The following MVB12B variants were observed in gnomAD, a reference collection of about 807,000 sequenced individuals.
MVB12B encodes the protein ESCRT-I complex subunit MVB12B.
MVB12B carries 16 observed loss-of-function variants against 41.6 expected under a neutral mutation model. The observed-to-expected ratio is 0.38, with a 90% CI of 0.26 to 0.58. The LOEUF (loss-of-function observed/expected upper bound fraction) is 0.58, where lower values mean the gene tolerates loss of function less well. Ranked by LOEUF, MVB12B falls within the 20% of genes least tolerant of loss-of-function variation. MVB12B has a pLI of 0.62. For synonymous variants in MVB12B, 133 were observed against 139.7 expected, an observed-to-expected ratio of 0.95 and a Z score of 0.34; for missense variants, 274 against 380.2, an observed-to-expected ratio of 0.72 and a Z score of 2.32.
In MVB12B at chr9:126,468,490, T is replaced by C. The variant is rs892200580; in HGVS notation, c.758-12879T>C. Among the ~76,000 whole-genome samples the C allele has an allele frequency of 1.3e-5, 2 of 152,210 alleles. No individual in the cohort carries two copies. Among genetic ancestry groups the C allele is most frequent in the Non-Finnish European group, 2.9e-5 (2 of 68,038 alleles). ...CTGGCATTTCATTCTCCCAGCTCTT[T>C]AGGCCAGGATCCTGGGGTCACCCTT... On this transcript the variant is annotated intron_variant, in intron 7 of 9. Coordinates refer to ENST00000361171, the MANE Select transcript of MVB12B (RefSeq NM_033446.3). The surrounding 1 kb of genome is among the most constrained non-coding windows in gnomAD (Gnocchi z 4.3).
At chr9:126,490,557 A>G (rs1446093096) in intron 9 of MVB12B, among the ~76,000 whole-genome samples, 2 of 152,178 alleles carry the variant, frequency 1.3e-5, no homozygotes, top group Admixed American at 1.3e-4. Flanking sequence ...ACCGCGGCGG[A>G]GGAAGCACAC....
rs577248426 is a variant in MVB12B at position 126,427,771 on chromosome 9, C to T, written c.757+5823C>T. Among the ~76,000 whole-genome samples the T allele has an allele frequency of 3.3e-4, 50 of 152,292 alleles. 1 individual carries two copies. Among genetic ancestry groups the T allele is most frequent in the African/African-American group, 1.1e-3 (44 of 41,568 alleles). ...CCACACAGTGCAGTGAGCTGCGGGG[C>T]TAGGACTGCTTTCCTCTTTAGGACC... On this transcript the variant is annotated intron_variant, in intron 7 of 9. Transcript: ENST00000361171.
chr9:126,396,594 C>T, intron 6 of MVB12B: 1 of 985,492 alleles, frequency 1.0e-6, no homozygotes, highest in African/African-American at 1.7e-5. Context: ...GACATACCAC[C>T]AGCTCTCTGT....
chr9:126,337,921 A>C (rs550945526), intron 1 of MVB12B, among the ~76,000 whole-genome samples: 5 of 152,092 alleles, frequency 3.3e-5, no homozygotes, highest in East Asian at 3.9e-4. Flanking sequence ...GTGGAGCGCT[A>C]GTTAATAAAT....
At chr9:126,447,514 A>T (rs1433750254) in intron 7 of MVB12B, among the ~76,000 whole-genome samples, 2 of 152,062 alleles carry the variant, frequency 1.3e-5, no homozygotes, top group African/African-American at 4.8e-5. Flanking sequence ...CTTAATTTCT[A>T]CTTTTATTAT....
intron 6 of MVB12B, among the ~76,000 whole-genome samples, chr9:126,409,616 C>A (rs1029484159): frequency 6.6e-6 from 1 of 152,200 alleles, no homozygotes; most frequent in East Asian, 1.9e-4. Flanking sequence ...TTTCCTTTGC[C>A]ACCACGTGGC....
chr9:126,383,969 A>T (rs1169502454), intron 3 of MVB12B, among the ~76,000 whole-genome samples: 1 of 151,638 alleles, frequency 6.6e-6, no homozygotes. Context: ...TGTAAAACCC[A>T]ACTTGTCAAG....
At chr9:126,460,769 A>G (rs1833072244) in intron 7 of MVB12B, among the ~76,000 whole-genome samples, 1 of 152,146 alleles carries the variant, frequency 6.6e-6, no homozygotes, top group Non-Finnish European at 1.5e-5. Flanking sequence ...CCCTGGGTTC[A>G]ACCCTGGCTC....
intron 7 of MVB12B, among the ~76,000 whole-genome samples, chr9:126,442,274 G>T (rs1255637768): frequency 6.6e-6 from 1 of 152,192 alleles, no homozygotes; most frequent in African/African-American, 2.4e-5. Context: ...CCTCCCATCA[G>T]AAATGGTTCT....
chr9:126,370,949 C>G (rs900086106), intron 2 of MVB12B, among the ~76,000 whole-genome samples: 2 of 151,886 alleles, frequency 1.3e-5, no homozygotes, highest in Admixed American at 1.3e-4. Flanking sequence ...ACATTTTTTT[C>G]TAAAAGTTTG....
intron 9 of MVB12B, among the ~76,000 whole-genome samples, chr9:126,499,941 C>T (rs1301563522): frequency 6.6e-6 from 1 of 152,094 alleles, no homozygotes; most frequent in African/African-American, 2.4e-5. Flanking sequence ...CCTGTCCCCA[C>T]TCCTGGCCAC....
At chr9:126,501,146 C>T (rs1165519407) in intron 9 of MVB12B, among the ~76,000 whole-genome samples, 1 of 152,230 alleles carries the variant, frequency 6.6e-6, no homozygotes, top group African/African-American at 2.4e-5. Context: ...CGGCCTGTGC[C>T]TGGTGGTTGG....
At chr9:126,378,519 C>G (rs1444202736) in intron 2 of MVB12B, among the ~76,000 whole-genome samples, 1 of 152,126 alleles carries the variant, frequency 6.6e-6, no homozygotes, top group Non-Finnish European at 1.5e-5. Flanking sequence ...CCTGTGGGTC[C>G]CTGAACCATC....
chr9:126,353,221 G>GTCAT (rs916133707), intron 2 of MVB12B, among the ~76,000 whole-genome samples: 9 of 152,290 alleles, frequency 5.9e-5, no homozygotes, highest in South Asian at 2.1e-4. Flanking sequence ...GCTCACTTCT[G>GTCAT]TCATTCATTC....
At chr9:126,472,440 T>G (rs551755250) in intron 7 of MVB12B, among the ~76,000 whole-genome samples, 1 of 138,354 alleles carries the variant, frequency 7.2e-6, no homozygotes, top group East Asian at 2.1e-4. Context: ...TCCCCGAGAA[T>G]AGCAAAGACA....
intron 7 of MVB12B, chr9:126,481,166 C>T: frequency 1.7e-6 from 1 of 601,552 alleles, no homozygotes; most frequent in Non-Finnish European, 3.0e-6. Flanking sequence ...TGACGAGGCG[C>T]CTGCCTCTCT....
rs1453460921 is a variant in MVB12B at position 126,480,212 on chromosome 9, C to T, written c.758-1157C>T. On this transcript the variant is annotated intron_variant, in intron 7 of 9. Transcript: ENST00000361171. This position sits in a 1 kb window ranked among gnomAD's most constrained non-coding sequence, Gnocchi z 4.9. ...GGCCACCCCTGACTTCGGGGCTCCG[C>T]GTCCCTGCACTCATGACCAGGCCCC... Among the ~76,000 whole-genome samples the T allele has an allele frequency of 6.6e-6, 1 of 152,192 alleles. No homozygotes were observed. The highest frequency in any genetic ancestry group is 1.5e-5 in the Non-Finnish European group (1 of 68,038).
At chr9:126,499,556 C>T (rs1177305965) in intron 9 of MVB12B, among the ~76,000 whole-genome samples, 1 of 152,132 alleles carries the variant, frequency 6.6e-6, no homozygotes, top group South Asian at 2.1e-4. Flanking sequence ...CGCTGTTTGC[C>T]CAAGGGAGTG....
intron 6 of MVB12B, among the ~76,000 whole-genome samples, chr9:126,418,168 G>A (rs1019080612): frequency 4.2e-4 from 63 of 151,794 alleles, no homozygotes; most frequent in African/African-American, 1.4e-3. Flanking sequence ...AGTTGGCGGG[G>A]TGGGGGGTGG....
Sources: allele counts gnomAD v4.1 joint callset (sites outside exome capture counted in the v4.1 genomes callset), GRCh38; gene constraint gnomAD v4.1.1; non-coding constraint Gnocchi (gnomAD v3.1); transcripts MANE v1.5; gene names NCBI Gene and HGNC (gene_info 2026-07-23, HGNC 2026-07-21).